The following RIMBP2 variants were observed in gnomAD, a reference collection of about 807,000 sequenced individuals.
The protein encoded by RIMBP2 is RIMS-binding protein 2.
A neutral mutation model predicts 118.6 loss-of-function variants in RIMBP2; 48 were observed. The ratio of observed to expected loss-of-function variants is 0.40; its 90% confidence interval spans 0.32 to 0.51. RIMBP2 has a LOEUF of 0.51. Ranked by LOEUF, RIMBP2 falls within the 20% of genes least tolerant of loss-of-function variation. RIMBP2 has a pLI of 0.41. For synonymous variants in RIMBP2, 762 were observed against 742.9 expected (o/e 1.03, Z -0.42); for missense variants, 1,551 against 1,768.3 (o/e 0.88, Z 2.20).
chr12:130,485,498 C>A (rs1593483949), intron 4 of RIMBP2, among the ~76,000 whole-genome samples: 1 of 152,278 alleles, frequency 6.6e-6, no homozygotes, highest in East Asian at 1.9e-4. Context: ...AGAGAAGCAG[C>A]TTTCGACTTC....
chr12:130,714,230 G>C (rs1336694101), intron 1 of RIMBP2, among the ~76,000 whole-genome samples: 3 of 152,348 alleles, frequency 2.0e-5, no homozygotes, highest in South Asian at 2.1e-4. Context: ...GTCTCTTCCA[G>C]GCGCCAACAG....
intron 2 of RIMBP2, among the ~76,000 whole-genome samples, chr12:130,609,941 A>G (rs925433938): frequency 6.6e-6 from 1 of 152,158 alleles, no homozygotes; most frequent in African/African-American, 2.4e-5. Context: ...GAATCAGAGG[A>G]TGCCCTCATA....
chr12:130,629,389 T>C (rs2061843083), intron 1 of RIMBP2, among the ~76,000 whole-genome samples: 1 of 152,234 alleles, frequency 6.6e-6, no homozygotes, highest in Non-Finnish European at 1.5e-5. Flanking sequence ...TCCAGGACTC[T>C]TCGTCTGACA....
intron 2 of RIMBP2, among the ~76,000 whole-genome samples, chr12:130,615,398 C>T (rs2060868169): frequency 6.6e-6 from 1 of 150,954 alleles, no homozygotes; most frequent in Admixed American, 6.6e-5. Flanking sequence ...GCAACCTCTA[C>T]CTCCCGGGTT....
rs1318838389 is a variant in RIMBP2, at chr12:130,620,586, G to A, written c.-217+7736C>T. Among the ~76,000 whole-genome samples, 1 of 152,160 alleles carries A rather than the reference G, an allele frequency of 6.6e-6. No homozygotes were observed. The highest frequency in any genetic ancestry group is 1.5e-5 in the Non-Finnish European group (1 of 68,030). ...GGGGTGTCGGCAGGGCTGCTCCTCA[G>A]GTCACAGGCAGGCTCTGCCCGTGCC... is the stretch of plus-strand genomic sequence containing the variant. On this transcript the variant is annotated intron_variant, in intron 2 of 22. Coordinates refer to ENST00000690449, the MANE Select transcript of RIMBP2 (RefSeq NM_001393629.1). This position sits in a 1 kb window ranked among gnomAD's most constrained non-coding sequence, Gnocchi z 5.3.
At chr12:130,619,537 G>A (rs4376942) in intron 2 of RIMBP2, among the ~76,000 whole-genome samples, 14,009 of 152,250 alleles carry the variant, frequency 0.092, 792 homozygotes, top group Non-Finnish European at 0.12. Flanking sequence ...GGCGATTTTG[G>A]AAAGTCCCAG....
intron 2 of RIMBP2, among the ~76,000 whole-genome samples, chr12:130,587,090 A>G (rs1282018622): frequency 4.8e-5 from 7 of 145,792 alleles, no homozygotes; most frequent in African/African-American, 1.8e-4. Flanking sequence ...GCTCGTCATC[A>G]CTGGCCATCA....
chr12:130,514,883 C>T (rs1008055469), intron 3 of RIMBP2, among the ~76,000 whole-genome samples: 7 of 145,660 alleles, frequency 4.8e-5, no homozygotes, highest in African/African-American at 1.8e-4. Flanking sequence ...TATATTAAGA[C>T]ACTTTTTTTT....
intron 10 of RIMBP2, among the ~76,000 whole-genome samples, chr12:130,443,420 G>C (rs935333211): frequency 6.6e-6 from 1 of 152,152 alleles, no homozygotes; most frequent in African/African-American, 2.4e-5. Flanking sequence ...CAAAGATGAG[G>C]CAGTTTGGGT....
chr12:130,481,894 T>C (rs1482483983), intron 4 of RIMBP2, among the ~76,000 whole-genome samples: 6 of 152,158 alleles, frequency 3.9e-5, no homozygotes, highest in African/African-American at 1.4e-4. Context: ...TCTAACGGTC[T>C]CTTTCCAAGA....
intron 22 of RIMBP2, 29 bp downstream of exon 22, chr12:130,399,650 G>T: frequency 6.2e-7 from 1 of 1,612,938 alleles, no homozygotes; most frequent in Non-Finnish European, 8.5e-7. Flanking sequence ...ACGGGACAGA[G>T]ATTAAAAAGG....
rs1420828556 is a variant in RIMBP2, at chr12:130,431,547, TTTATG to T, written c.2253+3182_2253+3186del. On this transcript the variant is annotated intron_variant, in intron 14 of 22. Coordinates refer to ENST00000690449, the MANE Select transcript of RIMBP2 (RefSeq NM_001393629.1). This position sits in a 1 kb window ranked among gnomAD's most constrained non-coding sequence, Gnocchi z 4.0. ...TAAATGGAAAATAAGTATCACTTAT[TTTATG>T]TTATATTATTATATTATTAACAATA... is the stretch of plus-strand genomic sequence containing the variant. 31 of 257,786 alleles carry T rather than the reference TTTATG, an allele frequency of 1.2e-4. No homozygotes were observed. Among genetic ancestry groups the T allele is most frequent in the Middle Eastern group, 1.1e-3 (1 of 914 alleles). 16.0% of individuals were successfully genotyped at this position (257,786 alleles called of 1,614,324 possible). A position where few individuals can be genotyped will look rare whatever the true frequency, so the allele number is the denominator to read the frequency against.
chr12:130,518,598 G>A (rs2051732666), intron 2 of RIMBP2, among the ~76,000 whole-genome samples: 1 of 152,138 alleles, frequency 6.6e-6, no homozygotes, highest in Non-Finnish European at 1.5e-5. Context: ...TGCACCTAGA[G>A]AGGCAAGAGG....
intron 2 of RIMBP2, among the ~76,000 whole-genome samples, chr12:130,598,235 G>A (rs556581592): frequency 6.6e-5 from 10 of 152,234 alleles, no homozygotes; most frequent in Non-Finnish European, 8.8e-5. Context: ...AATTAAAGAC[G>A]ACCTAAATAA....
In RIMBP2 at chr12:130,506,720, T is replaced by C; in HGVS notation, c.-76A>G. The stretch of plus-strand genomic sequence containing the variant: ...TCTCCTTCACGGCCAAATCGCGCTC[T>C]CTGGTCACGAGGGTGAGCGGATGGT... On this transcript the variant is annotated 5_prime_UTR_variant, in exon 4 of 23. Transcript: ENST00000690449. The C allele has an allele frequency of 1.0e-6, 1 of 985,746 alleles. No homozygotes were observed. Among genetic ancestry groups the C allele is most frequent in the Non-Finnish European group, 1.2e-6 (1 of 829,930 alleles). 61.1% of individuals were successfully genotyped at this position (985,746 alleles called of 1,614,324 possible). A position where few individuals can be genotyped will look rare whatever the true frequency, so the allele number is the denominator to read the frequency against.
At chr12:130,466,638 G>A (rs538425474) in intron 6 of RIMBP2, among the ~76,000 whole-genome samples, 55 of 152,234 alleles carry the variant, frequency 3.6e-4, no homozygotes, top group Non-Finnish European at 5.1e-4. Flanking sequence ...TAAGATAGCC[G>A]CAAAGATTAA....
chr12:130,442,246 G>A lies in RIMBP2; in HGVS notation c.1106C>T (p.Ala369Val). 3.7e-6 allele frequency: 6 copies of A among 1,614,206 alleles called. No individual in the cohort carries two copies. Among genetic ancestry groups the A allele is most frequent in the Non-Finnish European group, 3.4e-6 (4 of 1,180,046 alleles). The change falls in exon 11 of 23, where the codon GCC becomes GTC. Residue 369 changes from alanine to valine, a missense_variant. Around this residue, in one of 5 missense-constraint regions of RIMBP2, gnomAD observed 265 missense variants for 349.5 expected, o/e 0.76. Transcript: ENST00000690449. This position sits in a 1 kb window ranked among gnomAD's most constrained non-coding sequence, Gnocchi z 6.9. The stretch of plus-strand genomic sequence containing the variant: ...TGCCATGTTGAGCTTCTCGATGAGG[G>A]CTTTAGTTCTGCTCCCCAGCGTGAG... Reference protein sequence around the residue: ...MNLTLGSRTKALIEKLNMAAC... With the variant: ...MNLTLGSRTKVLIEKLNMAAC...
intron 1 of RIMBP2, among the ~76,000 whole-genome samples, chr12:130,630,556 A>C (rs1288347339): frequency 6.6e-6 from 1 of 152,192 alleles, no homozygotes; most frequent in Non-Finnish European, 1.5e-5. Flanking sequence ...AAAACATAAG[A>C]ACATGTTCTA....
chr12:130,615,959 G>A (rs569263381), intron 2 of RIMBP2, among the ~76,000 whole-genome samples: 6 of 152,064 alleles, frequency 3.9e-5, no homozygotes, highest in Admixed American at 6.5e-5. Flanking sequence ...TGCTCCGGGC[G>A]GGGACGTGGT....
Sources: allele counts gnomAD v4.1 joint callset (sites outside exome capture counted in the v4.1 genomes callset), GRCh38; gene constraint gnomAD v4.1.1; regional missense constraint gnomAD v4.1.1; non-coding constraint Gnocchi (gnomAD v3.1); transcripts MANE v1.5; gene names NCBI Gene and HGNC (gene_info 2026-07-23, HGNC 2026-07-21).